Variants in ARHGAP44 observed in about 807,000 individuals in gnomAD.
The protein encoded by ARHGAP44 is rho GTPase-activating protein 44.
In ARHGAP44, 43 loss-of-function variants were observed where a neutral mutation model predicts 106.8. The ratio of observed to expected loss-of-function variants is 0.40; its 90% CI spans 0.32 to 0.52. The LOEUF is 0.52. ARHGAP44 is among the 20% of genes least tolerant of loss of function. The pLI is 0.48. For missense variants in ARHGAP44, 866 were observed against 1,050.5 expected (o/e 0.82, Z 2.43); for synonymous variants, 439 against 410.3 (o/e 1.07, Z -0.85).
intron 7 of ARHGAP44, among the ~76,000 whole-genome samples, chr17:12,932,732 TAGTC>T (rs748782094): frequency 2.0e-5 from 3 of 151,776 alleles, no homozygotes; most frequent in Non-Finnish European, 2.9e-5. Context: ...TCCAGATAGA[TAGTC>T]AGTTATGCCA....
At chr17:12,861,556 C>T (rs1219900620) in intron 1 of ARHGAP44, among the ~76,000 whole-genome samples, 1 of 151,910 alleles carries the variant, frequency 6.6e-6, no homozygotes, top group African/African-American at 2.4e-5. Context: ...AAGCCAGTAG[C>T]ACTGGGTTGT....
At chr17:12,790,627 CCA>C (rs1458248021) in intron 1 of ARHGAP44, 1 of 152,470 alleles carries the variant, frequency 6.6e-6, no homozygotes, top group African/African-American at 2.4e-5. Flanking sequence ...GACAGAGGCC[CCA>C]CAGTCAGAAG....
chr17:12,938,297 G>A (rs1300702765), intron 7 of ARHGAP44, among the ~76,000 whole-genome samples: 1 of 151,980 alleles, frequency 6.6e-6, no homozygotes, highest in Non-Finnish European at 1.5e-5. Flanking sequence ...GTAGTAAGTA[G>A]ATATAATTGT....
chr17:12,864,794 G>A (rs1273971137), intron 1 of ARHGAP44, among the ~76,000 whole-genome samples: 1 of 152,124 alleles, frequency 6.6e-6, no homozygotes, highest in African/African-American at 2.4e-5. Context: ...AGACTGTATG[G>A]AACTAAAAGC....
At chr17:12,936,692 C>T (rs575186220) in intron 7 of ARHGAP44, among the ~76,000 whole-genome samples, 13 of 152,340 alleles carry the variant, frequency 8.5e-5, no homozygotes, top group Non-Finnish European at 1.3e-4. Context: ...GTTTTCCATT[C>T]ATTTGGGCAA....
chr17:12,894,927 A>T lies in ARHGAP44; in HGVS notation c.54-13A>T. 6.3e-7 allele frequency: 1 copy of T among 1,579,214 alleles called. No homozygotes were observed. Among genetic ancestry groups the T allele is most frequent in the Admixed American group, 1.8e-5 (1 of 54,532 alleles). On this transcript the variant is annotated splice_polypyrimidine_tract_variant and intron_variant, in intron 1 of 20. Transcript: ENST00000379672. ...AGTTTTGTTACTGATATGTTTCTCA[A>T]TGTTCTTTTTAGGGCTGAAAAGACA...
At chr17:12,971,068 T>G (rs958122795) in intron 16 of ARHGAP44, among the ~76,000 whole-genome samples, 6 of 152,220 alleles carry the variant, frequency 3.9e-5, no homozygotes, top group Non-Finnish European at 7.3e-5. Context: ...CTCCCTCTTA[T>G]GAGAAAGTCA....
At chr17:12,963,225 T>G (rs1222880637) in intron 16 of ARHGAP44, among the ~76,000 whole-genome samples, 8 of 152,070 alleles carry the variant, frequency 5.3e-5, no homozygotes, top group Admixed American at 5.2e-4. Context: ...GGAATCTGAT[T>G]GCTTTCCCTT....
intron 1 of ARHGAP44, among the ~76,000 whole-genome samples, chr17:12,812,982 G>T (rs2034482738): frequency 6.6e-6 from 1 of 152,176 alleles, no homozygotes; most frequent in East Asian, 1.9e-4. Context: ...GCAATGGCAG[G>T]TCCCATGCAC....
intron 1 of ARHGAP44, among the ~76,000 whole-genome samples, chr17:12,850,617 C>A (rs1204828868): frequency 6.6e-6 from 1 of 152,090 alleles, no homozygotes; most frequent in African/African-American, 2.4e-5. Flanking sequence ...AAGAGAGTCT[C>A]ACCCTCCTTT....
At chr17:12,863,254 C>T (rs187050276) in intron 1 of ARHGAP44, among the ~76,000 whole-genome samples, 2 of 152,094 alleles carry the variant, frequency 1.3e-5, no homozygotes, top group Admixed American at 1.3e-4. Context: ...AGCATCTTCA[C>T]TGGAGAATAG....
chr17:12,980,295 GGCTCGTTTT>G, intron 19 of ARHGAP44, 62 bp downstream of exon 19: 1 of 1,515,908 alleles, frequency 6.6e-7, no homozygotes, highest in East Asian at 2.3e-5. Context: ...ATTCCCTGAA[GGCTCGTTTT>G]CCTCTATGAA....
At chr17:12,973,191 C>A in intron 16 of ARHGAP44, 111 bp from the exon 17 acceptor site, 2 of 1,115,258 alleles carry the variant, frequency 1.8e-6, no homozygotes, top group Non-Finnish European at 2.6e-6. Flanking sequence ...AAAAATCCCA[C>A]CCCAAGACCC....
At position 12,928,938 on chromosome 17, in the gene ARHGAP44, G is replaced by A. The variant is rs750887287; in HGVS notation, c.474G>A (p.Gln158=). ...DMDSSRTRWQ[Q]TSKSSGLSSS... ...TCCTATTTTCCATCAGGTGGCAGCA[G>A]ACTTCCAAGTCTTCAGGTTTGTCCA... The change falls in exon 7 of 21, where the codon CAG becomes CAA. Residue 158 remains glutamine (Q), a synonymous_variant. Coordinates refer to ENST00000379672, the MANE Select transcript of ARHGAP44 (RefSeq NM_014859.6). 2.5e-6 allele frequency: 4 copies of A among 1,611,724 alleles called. No individual in the cohort carries two copies. Among genetic ancestry groups the A allele is most frequent in the Non-Finnish European group, 2.5e-6 (3 of 1,179,070 alleles).
At chr17:12,853,584 G>A (rs899805052) in intron 1 of ARHGAP44, among the ~76,000 whole-genome samples, 1 of 152,150 alleles carries the variant, frequency 6.6e-6, no homozygotes, top group Non-Finnish European at 1.5e-5. Context: ...GAGGCACTGG[G>A]GCAGGAGCGA....
At chr17:12,822,133 A>G (rs1309465112) in intron 1 of ARHGAP44, among the ~76,000 whole-genome samples, 5 of 152,208 alleles carry the variant, frequency 3.3e-5, no homozygotes, top group Admixed American at 1.3e-4. Flanking sequence ...TTTCCTGTAC[A>G]GGGCCAGGCA....
chr17:12,981,872 G>A (rs756600194), intron 19 of ARHGAP44, among the ~76,000 whole-genome samples: 4 of 152,056 alleles, frequency 2.6e-5, no homozygotes, highest in Non-Finnish European at 4.4e-5. Context: ...TCAGCTGGGC[G>A]TGGTGGTGGG....
intron 1 of ARHGAP44, among the ~76,000 whole-genome samples, chr17:12,814,570 C>T (rs2150785117): frequency 6.6e-6 from 1 of 151,962 alleles, no homozygotes; most frequent in South Asian, 2.1e-4. Context: ...TTTTCTGTAC[C>T]CGGAGCAGAT....
intron 16 of ARHGAP44, among the ~76,000 whole-genome samples, chr17:12,970,483 AGTGAT>A (rs1235601065): frequency 5.9e-5 from 9 of 152,022 alleles, no homozygotes; most frequent in Middle Eastern, 3.4e-3. Context: ...CCTCCTGCTT[AGTGAT>A]TTCTAAGCCC....
Sources: allele counts gnomAD v4.1 joint callset (sites outside exome capture counted in the v4.1 genomes callset), GRCh38; gene constraint gnomAD v4.1.1; transcripts MANE v1.5; gene names NCBI Gene and HGNC (gene_info 2026-07-23, HGNC 2026-07-21).